Variants in ST3GAL3 observed in about 807,000 individuals in gnomAD.
ST3GAL3 encodes the protein ST3 beta-galactoside alpha-2,3-sialyltransferase 3, also known as CMP-N-acetylneuraminate-beta-1,4-galactoside alpha-2,3-sialyltransferase.
Under a neutral mutation model 50.1 loss-of-function variants are expected in ST3GAL3, and 21 were observed. The ratio of observed to expected loss-of-function variants is 0.42; its 90% CI spans 0.30 to 0.60. ST3GAL3 has a LOEUF of 0.60. Ranked by LOEUF, ST3GAL3 falls within the 20% of genes least tolerant of loss-of-function variation. The pLI, the probability that ST3GAL3 is intolerant of heterozygous loss-of-function variation, is 0.19. For synonymous variants in ST3GAL3, 183 were observed against 190.0 expected, an observed-to-expected ratio of 0.96 and a Z score of 0.30; for missense variants, 353 against 489.4, an observed-to-expected ratio of 0.72 and a Z score of 2.63.
chr1:43,791,688 T>A (rs2154152342), intron 2 of ST3GAL3, among the ~76,000 whole-genome samples: 1 of 152,242 alleles, frequency 6.6e-6, no homozygotes, highest in South Asian at 2.1e-4. Flanking sequence ...GAAGAAACAA[T>A]GAACAATTGA....
chr1:43,779,133 G>C (rs1212881504), intron 2 of ST3GAL3, among the ~76,000 whole-genome samples: 1 of 149,266 alleles, frequency 6.7e-6, no homozygotes, highest in Non-Finnish European at 1.5e-5. Context: ...GTAGAGATTG[G>C]GTTTTGCCAT....
In ST3GAL3 at chr1:43,743,106, C is replaced by T. The variant is rs1322852274; in HGVS notation, c.118+6726C>T. ...TCCGTCTCAAAAAAAAAAAAAAAGACAATTGGGCAGGAAAAAAAATAACAT... is the reference window on the plus strand; with the variant it reads ...TCCGTCTCAAAAAAAAAAAAAAAGATAATTGGGCAGGAAAAAAAATAACAT... On this transcript the variant is annotated intron_variant, in intron 2 of 11. Transcript: ENST00000347631. Among the ~76,000 whole-genome samples, 4 of 144,660 alleles carry T rather than the reference C, an allele frequency of 2.8e-5. No homozygotes were observed. The South Asian group carries it at 8.8e-4, about 32-fold the overall frequency. The allele number at this position is 144,660 out of a possible 152,430, so 94.9% of individuals were successfully genotyped here. A position where few individuals can be genotyped will look rare whatever the true frequency, so the allele number is the denominator to read the frequency against.
chr1:43,908,551 T>A (rs1319522002), intron 9 of ST3GAL3, among the ~76,000 whole-genome samples: 5 of 152,078 alleles, frequency 3.3e-5, no homozygotes, highest in Non-Finnish European at 7.3e-5. Context: ...ACCAATGGCC[T>A]GCAGGATAAA....
At chr1:43,816,181 T>TA (rs1458021848) in intron 4 of ST3GAL3, among the ~76,000 whole-genome samples, 6 of 152,226 alleles carry the variant, frequency 3.9e-5, no homozygotes, top group Non-Finnish European at 8.8e-5. Flanking sequence ...CTTTTCTGTC[T>TA]TGCATAAGAC....
intron 4 of ST3GAL3, among the ~76,000 whole-genome samples, chr1:43,829,995 CTTT>C (rs71579312): frequency 1.7e-4 from 12 of 70,126 alleles, no homozygotes; most frequent in African/African-American, 4.0e-4. Flanking sequence ...ATAAAAATTC[CTTT>C]TTTTTTTTTT....
chr1:43,917,874 T>C (rs1046867578), intron 9 of ST3GAL3, among the ~76,000 whole-genome samples: 2 of 149,028 alleles, frequency 1.3e-5, no homozygotes, highest in African/African-American at 4.9e-5. Flanking sequence ...TTCACCATGT[T>C]GGCCAGGCTG....
At chr1:43,765,759 G>GTGTC (rs1020856151) in intron 2 of ST3GAL3, among the ~76,000 whole-genome samples, 1 of 104,698 alleles carries the variant, frequency 9.6e-6, no homozygotes, top group Non-Finnish European at 1.9e-5. Flanking sequence ...GTGTCTGTGT[G>GTGTC]TGTGTGTGTG....
chr1:43,883,174 G>T (rs530566985), intron 5 of ST3GAL3, among the ~76,000 whole-genome samples: 1 of 152,010 alleles, frequency 6.6e-6, no homozygotes, highest in African/African-American at 2.4e-5. Context: ...TCAGTGTGTT[G>T]CCTAGGCTGG....
intron 3 of ST3GAL3, among the ~76,000 whole-genome samples, chr1:43,797,404 A>G (rs1011886717): frequency 9.2e-5 from 14 of 152,208 alleles, no homozygotes; most frequent in African/African-American, 3.4e-4. Flanking sequence ...AGAGTTCCAT[A>G]TGAAATTTTT....
rs767976528 is a variant in ST3GAL3, at chr1:43,792,108, T to C, written c.125T>C (p.Val42Ala). The C allele has an allele frequency of 6.2e-7, 1 of 1,614,124 alleles. No individual in the cohort carries two copies. The highest frequency in any genetic ancestry group is 2.2e-5 in the East Asian group (1 of 44,900). Reference protein sequence around the residue: ...LLQWEEDSNSVVLSFDSAGQT... With the variant: ...LLQWEEDSNSAVLSFDSAGQT... ...TTGTCCTCTTGTGTTGCAGATTCAGTGGTTCTTTCCTTTGACTCCGCTGGA... is the reference window on the plus strand; with the variant it reads ...TTGTCCTCTTGTGTTGCAGATTCAGCGGTTCTTTCCTTTGACTCCGCTGGA... The change falls in exon 3 of 12, where the codon GTG becomes GCG. Residue 42 changes from valine to alanine, a missense_variant. Physicochemically the swap from Val to Ala is moderately conservative, Grantham distance 64 (BLOSUM62 0). Coordinates refer to ENST00000347631, the MANE Select transcript of ST3GAL3 (RefSeq NM_006279.5).
At chr1:43,894,786 T>G (rs114111027) in intron 6 of ST3GAL3, among the ~76,000 whole-genome samples, 5 of 152,166 alleles carry the variant, frequency 3.3e-5, no homozygotes, top group Non-Finnish European at 7.4e-5. Context: ...CGCACCACCA[T>G]GCCTGGCTTA....
intron 2 of ST3GAL3, chr1:43,738,929 A>G (rs559553063): frequency 1.3e-5 from 2 of 152,288 alleles, no homozygotes; most frequent in Admixed American, 6.5e-5. Flanking sequence ...ATTGATTACT[A>G]TATCTACTAT....
rs1045726352 is a variant in ST3GAL3, at chr1:43,930,435, G to A, written c.*214G>A. ...CAGCATGGGTCCTTGATGCCAGAGG[G>A]CCAGCAGGCTCCTGGCTGTGCCCAG... On this transcript the variant is annotated 3_prime_UTR_variant, in exon 12 of 12. Coordinates refer to ENST00000347631, the MANE Select transcript of ST3GAL3 (RefSeq NM_006279.5). 6.5e-6 allele frequency: 4 copies of A among 612,670 alleles called. No homozygotes were observed. The highest frequency in any genetic ancestry group is 1.2e-5 in the Non-Finnish European group (4 of 340,202). The allele number at this position is 612,670 out of a possible 1,614,324, so 38.0% of individuals were successfully genotyped here. A position where few individuals can be genotyped will look rare whatever the true frequency, so the allele number is the denominator to read the frequency against.
intron 9 of ST3GAL3, among the ~76,000 whole-genome samples, chr1:43,915,015 AC>A (rs1407152149): frequency 6.6e-6 from 1 of 152,162 alleles, no homozygotes; most frequent in African/African-American, 2.4e-5. Context: ...AGCAGGAAAA[AC>A]TGGGGTCGGC....
chr1:43,827,534 A>G (rs930892291), intron 4 of ST3GAL3, among the ~76,000 whole-genome samples: 2 of 152,078 alleles, frequency 1.3e-5, no homozygotes, highest in African/African-American at 4.8e-5. Context: ...TTTTTTTGAA[A>G]CAGGGTTGCC....
At chr1:43,742,960 T>C (rs1283727680) in intron 2 of ST3GAL3, among the ~76,000 whole-genome samples, 1 of 151,872 alleles carries the variant, frequency 6.6e-6, no homozygotes, top group Non-Finnish European at 1.5e-5. Context: ...TAGCTGGGCC[T>C]GGTGGCACGT....
chr1:43,786,036 C>CT (rs1026285767), intron 2 of ST3GAL3, among the ~76,000 whole-genome samples: 4 of 152,010 alleles, frequency 2.6e-5, no homozygotes, highest in African/African-American at 9.7e-5. Flanking sequence ...GGCATTTCTC[C>CT]TTTTTTCTCT....
intron 2 of ST3GAL3, among the ~76,000 whole-genome samples, chr1:43,786,276 A>G (rs775684808): frequency 2.6e-5 from 4 of 152,202 alleles, no homozygotes; most frequent in Non-Finnish European, 5.9e-5. Flanking sequence ...TCTCATTGCT[A>G]ATGAAATAGA....
At chr1:43,851,021 C>T (rs763424594) in intron 5 of ST3GAL3, 71 of 843,418 alleles carry the variant, frequency 8.4e-5, no homozygotes, top group Middle Eastern at 2.2e-4. Flanking sequence ...GAGGGCACCA[C>T]GCCAGCTGCC....
Sources: allele counts gnomAD v4.1 joint callset (sites outside exome capture counted in the v4.1 genomes callset), GRCh38; gene constraint gnomAD v4.1.1; transcripts MANE v1.5; gene names NCBI Gene and HGNC (gene_info 2026-07-23, HGNC 2026-07-21).